The following TVP23A variants were observed in gnomAD, a reference collection of about 807,000 sequenced individuals.
TVP23A encodes the protein Golgi apparatus membrane protein TVP23 homolog A.
A neutral mutation model predicts 31.7 loss-of-function variants in TVP23A; 21 were observed. The ratio of observed to expected loss-of-function variants is 0.66; its 90% CI spans 0.47 to 0.95. The LOEUF is 0.95. Ranked by LOEUF, TVP23A falls within the 40% of genes least tolerant of loss-of-function variation. The pLI is 0.00. For synonymous variants in TVP23A, 104 were observed against 96.0 expected (o/e 1.08, Z -0.49); for missense variants, 279 against 255.6 (o/e 1.09, Z -0.62).
intron 2 of TVP23A, among the ~76,000 whole-genome samples, chr16:10,791,816 T>C (rs1334633025): frequency 6.6e-6 from 1 of 152,120 alleles, no homozygotes; most frequent in Admixed American, 6.6e-5. Context: ...AGGGTTTCAC[T>C]GTGTTAGCCA....
At chr16:10,764,035 G>A (rs2030445548), downstream of TVP23A, among the ~76,000 whole-genome samples, 2 of 152,198 alleles carry the variant, frequency 1.3e-5, no homozygotes, top group South Asian at 4.2e-4. Context: ...TCAGCCCATG[G>A]GAGCATCCCA....
chr16:10,796,166 G>T (rs1221566832), intron 2 of TVP23A, among the ~76,000 whole-genome samples: 5 of 151,814 alleles, frequency 3.3e-5, no homozygotes, highest in African/African-American at 7.3e-5. Context: ...TGGGCAACAT[G>T]GTGAAACCTC....
At chr16:10,771,920 A>G (rs2697658) in intron 5 of TVP23A, 122 bp from the exon 6 acceptor site, 566,912 of 1,299,634 alleles carry the variant, frequency 0.44, 128,757 homozygotes, top group African/African-American at 0.72. Flanking sequence ...CCGGGTTCAC[A>G]CCATTCTCCT....
At chr16:10,789,312 ACAG>A (rs886435035) in intron 2 of TVP23A, among the ~76,000 whole-genome samples, 8 of 152,218 alleles carry the variant, frequency 5.3e-5, no homozygotes, top group Middle Eastern at 3.4e-3. Flanking sequence ...CCCCCAAGAG[ACAG>A]TTCTGTAGGC....
chr16:10,818,453 C>T lies in TVP23A; in HGVS notation c.9+32G>A, dbSNP rs1452879490. 2 of 1,601,134 alleles carry T rather than the reference C, an allele frequency of 1.2e-6. No individual in the cohort carries two copies. The highest frequency in any genetic ancestry group is 1.7e-6 in the Non-Finnish European group (2 of 1,177,486). ...CCCGCAGGCTCCCCTCGTCCCGCCC[C>T]GCCTCCAGCCCCAGCATCCCCGAGG... On this transcript the variant is annotated intron_variant, in intron 1 of 7. Transcript: ENST00000299866. The surrounding 1 kb of genome is among the most constrained non-coding windows in gnomAD (Gnocchi z 4.7).
chr16:10,780,395 C>G (rs1364195230), intron 2 of TVP23A, among the ~76,000 whole-genome samples: 1 of 152,168 alleles, frequency 6.6e-6, no homozygotes, highest in Non-Finnish European at 1.5e-5. Context: ...TCTTGTCATA[C>G]TTCAAGGACC....
chr16:10,787,281 T>C (rs1308851844), intron 2 of TVP23A, among the ~76,000 whole-genome samples: 3 of 152,176 alleles, frequency 2.0e-5, no homozygotes, highest in African/African-American at 7.2e-5. Context: ...TTCCTTTTAA[T>C]GAAAAGCAGC....
Position 10,767,648 on chromosome 16 carries a change from C to A in TVP23A, c.*1454G>T, listed in dbSNP as rs1211737844. On this transcript the variant is annotated 3_prime_UTR_variant, in exon 8 of 8. Coordinates refer to ENST00000299866, the MANE Select transcript of TVP23A (RefSeq NM_001079512.4). This position sits in a 1 kb window ranked among gnomAD's most constrained non-coding sequence, Gnocchi z 4.6. The stretch of plus-strand genomic sequence containing the variant: ...ATGATCCTTTCACTCAAAAGCTAAT[C>A]TCTTAAAATGCAGACTCCTGGGCCC... 4.7e-6 allele frequency: 2 copies of A among 426,964 alleles called. No homozygotes were observed. The highest frequency in any genetic ancestry group is 2.0e-5 in the African/African-American group (1 of 49,762). The allele number at this position is 426,964 out of a possible 1,614,324, so 26.4% of individuals were successfully genotyped here.
chr16:10,758,596 C>A (rs1316868782), downstream of TVP23A, among the ~76,000 whole-genome samples: 1 of 152,136 alleles, frequency 6.6e-6, no homozygotes, highest in Non-Finnish European at 1.5e-5. Context: ...GCTTTTTGAA[C>A]TTTCCTTGAG....
Position 10,779,953 on chromosome 16 carries a change from T to C in TVP23A, c.90-4857A>G, listed in dbSNP as rs1179319425. The stretch of plus-strand genomic sequence containing the variant: ...AAAATACAAAAATTAGCGGGTGTGG[T>C]GGTGCACGCCTATAATTCCAGCTAC... On this transcript the variant is annotated intron_variant, in intron 2 of 7. Coordinates refer to ENST00000299866, the MANE Select transcript of TVP23A (RefSeq NM_001079512.4). The surrounding 1 kb of genome is among the most constrained non-coding windows in gnomAD (Gnocchi z 4.9). 6.6e-6 allele frequency among the ~76,000 whole-genome samples: 1 copy of C among 151,948 alleles called. No individual in the cohort carries two copies. The highest frequency in any genetic ancestry group is 1.5e-5 in the Non-Finnish European group (1 of 68,002).
intron 2 of TVP23A, among the ~76,000 whole-genome samples, chr16:10,811,686 C>T (rs974288884): frequency 4.0e-5 from 6 of 151,834 alleles, no homozygotes; most frequent in African/African-American, 1.5e-4. Context: ...GGGCGGATCA[C>T]GAGGTCAGGA....
chr16:10,780,927 T>A (rs1009647613), intron 2 of TVP23A, among the ~76,000 whole-genome samples: 1 of 151,996 alleles, frequency 6.6e-6, no homozygotes, highest in Admixed American at 6.6e-5. Flanking sequence ...CTCCCAAGAC[T>A]CCTGGGCCCC....
intron 2 of TVP23A, 188 bp from the exon 3 acceptor site, chr16:10,775,284 A>T (rs2031928187): frequency 7.1e-7 from 1 of 1,416,512 alleles, no homozygotes; most frequent in East Asian, 2.6e-5. Context: ...GTCCCCAGAC[A>T]GTCATGCTGA....
In TVP23A at chr16:10,818,612, C is replaced by A. The variant is rs1460400011; in HGVS notation, c.-119G>T. On this transcript the variant is annotated 5_prime_UTR_variant, in exon 1 of 8. Transcript: ENST00000299866. This position sits in a 1 kb window ranked among gnomAD's most constrained non-coding sequence, Gnocchi z 4.7. Reference sequence around the variant, plus strand: ...GCAGCAGACGGTGGACGCTGAGGGTCGGGGCCTGCGCCCTGTGGGGCAGCC... The same window carrying A: ...GCAGCAGACGGTGGACGCTGAGGGTAGGGGCCTGCGCCCTGTGGGGCAGCC... 13 of 1,313,504 alleles carry A rather than the reference C, an allele frequency of 9.9e-6. No individual in the cohort carries two copies. In the East Asian group the frequency reaches 3.5e-4, roughly 35 times the overall value. The allele number at this position is 1,313,504 out of a possible 1,614,324, so 81.4% of individuals were successfully genotyped here. A position where few individuals can be genotyped will look rare whatever the true frequency, so the allele number is the denominator to read the frequency against.
intron 2 of TVP23A, among the ~76,000 whole-genome samples, chr16:10,801,733 A>G (rs2033703499): frequency 6.6e-6 from 1 of 152,202 alleles, no homozygotes; most frequent in Non-Finnish European, 1.5e-5. Flanking sequence ...TACAGGCATG[A>G]GCCACCGCCC....
intron 2 of TVP23A, among the ~76,000 whole-genome samples, chr16:10,798,081 G>C (rs532615074): frequency 1.5e-4 from 23 of 148,398 alleles, no homozygotes; most frequent in African/African-American, 5.7e-4. Context: ...TCAGCCTCCC[G>C]AGTAGCTGGG....
chr16:10,815,147 T>C (rs1413285811), intron 2 of TVP23A, among the ~76,000 whole-genome samples: 1 of 141,820 alleles, frequency 7.1e-6, no homozygotes, highest in African/African-American at 3.1e-5. Flanking sequence ...ATCTCAGCAC[T>C]GTGGGAGGCT....
intron 2 of TVP23A, among the ~76,000 whole-genome samples, chr16:10,778,362 T>C (rs2032208059): frequency 6.6e-6 from 1 of 152,112 alleles, no homozygotes; most frequent in South Asian, 2.1e-4. Context: ...ACATAGAACT[T>C]AAAAACTTCC....
chr16:10,759,816 A>G (rs1020613809), downstream of TVP23A, among the ~76,000 whole-genome samples: 2 of 152,166 alleles, frequency 1.3e-5, no homozygotes, highest in African/African-American at 4.8e-5. The surrounding 1 kb of genome is among the most constrained non-coding windows in gnomAD (Gnocchi z 4.7). Context: ...GTCGCAGCCC[A>G]TTGACTTTCT....
Sources: allele counts gnomAD v4.1 joint callset (sites outside exome capture counted in the v4.1 genomes callset), GRCh38; gene constraint gnomAD v4.1.1; non-coding constraint Gnocchi (gnomAD v3.1); transcripts MANE v1.5; gene names NCBI Gene and HGNC (gene_info 2026-07-23, HGNC 2026-07-21).